MTUS2: variants seen among roughly 807,000 people sequenced by gnomAD.
The protein encoded by MTUS2 is microtubule associated scaffold protein 2, also known as microtubule-associated tumor suppressor candidate 2.
MTUS2 carries 40 observed loss-of-function variants against 114.1 expected under a neutral mutation model. That is an observed-to-expected ratio of 0.35 (90% CI 0.27 to 0.46). The LOEUF is 0.46. Ranked by LOEUF, MTUS2 falls within the 20% of genes least tolerant of loss-of-function variation. MTUS2 has a pLI of 1.00. For synonymous variants in MTUS2, 688 were observed against 672.0 expected (o/e 1.02, Z -0.37); for missense variants, 1,679 against 1,705.4 (o/e 0.98, Z 0.27).
intron 5 of MTUS2, among the ~76,000 whole-genome samples, chr13:29,216,869 A>G (rs1895702485): frequency 6.6e-6 from 1 of 152,176 alleles, no homozygotes; most frequent in Non-Finnish European, 1.5e-5. Flanking sequence ...AATTCCCACC[A>G]ACAGTGCACA....
At chr13:28,964,677 C>T (rs532438830) in intron 2 of MTUS2, among the ~76,000 whole-genome samples, 1 of 130,320 alleles carries the variant, frequency 7.7e-6, no homozygotes, top group African/African-American at 2.7e-5. Context: ...TGAACTGGGT[C>T]ATTGTTTCAA....
chr13:29,385,213 C>T (rs1458873355), intron 8 of MTUS2, among the ~76,000 whole-genome samples: 1 of 152,190 alleles, frequency 6.6e-6, no homozygotes, highest in Non-Finnish European at 1.5e-5. Context: ...ACCAGCACAA[C>T]CCATGTTCTT....
At chr13:29,202,119 TC>T (rs1894983925) in intron 5 of MTUS2, among the ~76,000 whole-genome samples, 1 of 152,282 alleles carries the variant, frequency 6.6e-6, no homozygotes, top group Middle Eastern at 3.4e-3. Flanking sequence ...GGTTCCATTC[TC>T]CCCATCACTT....
chr13:28,998,466 G>C (rs970202334), intron 2 of MTUS2, among the ~76,000 whole-genome samples: 2 of 152,204 alleles, frequency 1.3e-5, no homozygotes, highest in South Asian at 4.1e-4. Flanking sequence ...AGTTCTCCTG[G>C]ATAATGTCGT....
intron 8 of MTUS2, among the ~76,000 whole-genome samples, chr13:29,432,801 A>G (rs538973865): frequency 5.4e-4 from 82 of 152,312 alleles, no homozygotes; most frequent in African/African-American, 1.8e-3. Context: ...GTTAATTTGC[A>G]TATCTCTACC....
At chr13:29,017,785 C>T (rs546391283) in intron 2 of MTUS2, among the ~76,000 whole-genome samples, 1 of 152,068 alleles carries the variant, frequency 6.6e-6, no homozygotes, top group Admixed American at 6.5e-5. Context: ...TCTGGAGTGC[C>T]TACTATGTGC....
chr13:29,323,949 C>T (rs7326604), intron 6 of MTUS2, among the ~76,000 whole-genome samples: 6,674 of 152,216 alleles, frequency 0.044, 516 homozygotes, highest in African/African-American at 0.15. Flanking sequence ...ACAAACGTGA[C>T]GTGAAGGTGA....
At chr13:29,261,726 C>T (rs1249560440) in intron 5 of MTUS2, among the ~76,000 whole-genome samples, 1 of 152,194 alleles carries the variant, frequency 6.6e-6, no homozygotes, top group Non-Finnish European at 1.5e-5. Context: ...ACAACTTCCA[C>T]ACTAAGCATA....
intron 7 of MTUS2, among the ~76,000 whole-genome samples, chr13:29,355,843 C>T (rs1253709891): frequency 6.6e-6 from 1 of 152,154 alleles, no homozygotes; most frequent in Admixed American, 6.5e-5. Context: ...TAGGGCCAGT[C>T]AGTAAGAAAT....
At chr13:28,857,745 G>A (rs1190060695) in intron 2 of MTUS2, among the ~76,000 whole-genome samples, 2 of 152,214 alleles carry the variant, frequency 1.3e-5, no homozygotes, top group Non-Finnish European at 2.9e-5. Context: ...AAGGTCAGGA[G>A]AGATGCCTAC....
At chr13:29,189,979 AG>A (rs1894380451) in intron 5 of MTUS2, among the ~76,000 whole-genome samples, 2 of 152,186 alleles carry the variant, frequency 1.3e-5, no homozygotes, top group African/African-American at 4.8e-5. Flanking sequence ...TAGGAGAAGA[AG>A]TGATGATAGA....
At chr13:28,957,521 A>G (rs2138198611) in intron 2 of MTUS2, among the ~76,000 whole-genome samples, 1 of 152,308 alleles carries the variant, frequency 6.6e-6, no homozygotes, top group Middle Eastern at 3.4e-3. Flanking sequence ...CTCTTTCTTA[A>G]ATAATACAGA....
intron 4 of MTUS2, among the ~76,000 whole-genome samples, chr13:29,080,705 T>C (rs1442972622): frequency 6.6e-6 from 1 of 152,100 alleles, no homozygotes; most frequent in African/African-American, 2.4e-5. Flanking sequence ...GTCCACTGAC[T>C]CAAATGTTAA....
intron 4 of MTUS2, among the ~76,000 whole-genome samples, chr13:29,041,321 C>T (rs761930922): frequency 1.3e-5 from 2 of 152,148 alleles, no homozygotes; most frequent in Non-Finnish European, 2.9e-5. Context: ...TATTTTCATA[C>T]CAGCACCATA....
At chr13:29,425,065 T>C (rs906799937) in intron 8 of MTUS2, among the ~76,000 whole-genome samples, 18 of 152,214 alleles carry the variant, frequency 1.2e-4, no homozygotes, top group African/African-American at 3.9e-4. Flanking sequence ...TCATAATTTT[T>C]AGCAATGCAT....
intron 2 of MTUS2, among the ~76,000 whole-genome samples, chr13:28,911,509 G>A (rs940110998): frequency 1.3e-4 from 20 of 151,948 alleles, no homozygotes; most frequent in African/African-American, 4.1e-4. Context: ...TTTCCTTTGC[G>A]TATATACCCA....
rs1395372264 is a variant in MTUS2 at position 28,930,674 on chromosome 13, TA to T, written c.-243+90826del. ...TTAATAAGATCAATGATTTTTAGTT[TA>T]ATTGGGTACTTTCCTTGTTCCCCTG... On this transcript the variant is annotated intron_variant, in intron 2 of 15. Coordinates refer to ENST00000612955, the MANE Select transcript of MTUS2 (RefSeq NM_001033602.4). Among the ~76,000 whole-genome samples, 4 of 152,196 alleles carry T rather than the reference TA, an allele frequency of 2.6e-5. No individual in the cohort carries two copies. The South Asian group carries it at 6.2e-4, about 24-fold the overall frequency.
chr13:28,889,079 A>T (rs1335034815), intron 2 of MTUS2, among the ~76,000 whole-genome samples: 1 of 152,204 alleles, frequency 6.6e-6, no homozygotes, highest in East Asian at 1.9e-4. Context: ...AGGGTGCTTC[A>T]TAGAATCCAT....
chr13:29,302,692 CT>C (rs1899258721), intron 6 of MTUS2, among the ~76,000 whole-genome samples: 1 of 152,236 alleles, frequency 6.6e-6, no homozygotes, highest in Non-Finnish European at 1.5e-5. Flanking sequence ...CAGCCACCAT[CT>C]CTGTGGTTCA....
Sources: gnomAD v4.1 joint callset for allele counts (sites outside exome capture counted in the v4.1 genomes callset) on GRCh38, gnomAD v4.1.1 for gene constraint, MANE v1.5 for transcripts, NCBI Gene and HGNC (gene_info 2026-07-23, HGNC 2026-07-21) for gene names.